LCA5L: variants seen among roughly 807,000 people sequenced by gnomAD.
LCA5L encodes lebercilin LCA5 like.
LCA5L carries 35 observed loss-of-function variants against 45.4 expected under a neutral mutation model. The ratio of observed to expected loss-of-function variants is 0.77; its 90% CI spans 0.59 to 1.02. The LOEUF (loss-of-function observed/expected upper bound fraction) is 1.02. Ranked by LOEUF, LCA5L falls within the 50% of genes least tolerant of loss-of-function variation. The pLI is 0.00. For missense variants in LCA5L, 668 were observed against 761.6 expected, an observed-to-expected ratio of 0.88 and a Z score of 1.45; for synonymous variants, 233 against 264.7, an observed-to-expected ratio of 0.88 and a Z score of 1.16.
chr21:39,412,981 G>A (rs2040374769), intron 7 of LCA5L, among the ~76,000 whole-genome samples: 1 of 152,210 alleles, frequency 6.6e-6, no homozygotes, highest in Admixed American at 6.5e-5. Context: ...CCATAGCACA[G>A]GCTTTGCAAC....
rs66478742 is a variant in LCA5L, at chr21:39,414,742, C to CTGTGTGTGTGTG, written c.976-2952_976-2941dup. On this transcript the variant is annotated intron_variant, in intron 7 of 10. Coordinates refer to ENST00000288350, the MANE Select transcript of LCA5L (RefSeq NM_152505.4). ...TCTCTCTCTCTCTCTCTCTCTCTCT[C>CTGTGTGTGTGTG]TGTGTGTGTGTGTGTGTGTGTGTGT... Among the ~76,000 whole-genome samples, 189 of 99,218 alleles carry CTGTGTGTGTGTG rather than the reference C, an allele frequency of 1.9e-3. 3 individuals carry two copies. Among genetic ancestry groups the CTGTGTGTGTGTG allele is most frequent in the African/African-American group, 4.8e-3 (109 of 22,734 alleles). 65.1% of individuals were successfully genotyped at this position (99,218 alleles called of 152,430 possible).
At position 39,406,432 on chromosome 21, in the gene LCA5L, A is replaced by G. The variant is rs769472748; in HGVS notation, c.1463T>C (p.Leu488Pro). 1.2e-6 allele frequency: 2 copies of G among 1,614,116 alleles called. No homozygotes were observed. The highest frequency in any genetic ancestry group is 1.7e-6 in the Non-Finnish European group (2 of 1,179,996). ...GCTTCTTTTAAACTTTTCTCTTACT[A>G]GAACATCTTCTTGATTGCTTTCTCT... The part of the protein sequence containing the change: ...PERESNQEDV[L>P]VREKFKRSMQ... Residue 488 changes from leucine (L) to proline (P), a missense_variant, in exon 11 of 11, where the codon CTA (leucine) becomes CCA (proline). By Grantham distance (98) the Leu-to-Pro change is moderately conservative. Coordinates refer to ENST00000288350, the MANE Select transcript of LCA5L (RefSeq NM_152505.4).
rs201595539 is a variant in LCA5L at position 39,420,811 on chromosome 21, T to C, written c.870A>G (p.Arg290=). 137 of 1,613,008 alleles carry C rather than the reference T, an allele frequency of 8.5e-5. 1 individual carries two copies. The East Asian group carries it at 3.0e-3, about 35-fold the overall frequency. Residue 290 remains arginine, a synonymous_variant, in exon 7 of 11, where the codon AGA becomes AGG. Transcript: ENST00000288350. ...CAATAGCCAGCTGCCGGCTAAAGGC[T>C]CTGCAGTTCAACCTCAGTTGTTTTT... is the stretch of plus-strand genomic sequence containing the variant. ...SLEKQLRLNC[R]AFSRQLAIET... is the part of the protein sequence containing the mutation.
intron 7 of LCA5L, among the ~76,000 whole-genome samples, chr21:39,417,722 A>G (rs1180308012): frequency 6.6e-6 from 1 of 152,016 alleles, no homozygotes; most frequent in East Asian, 1.9e-4. Context: ...ACAACAGAGG[A>G]CTTGTGCAGG....
intron 3 of LCA5L, 28 bp from the exon 4 acceptor site, chr21:39,429,239 T>C (rs2075378937): frequency 6.6e-6 from 1 of 152,218 alleles, no homozygotes; most frequent in South Asian, 2.1e-4. Context: ...CAAAAGAGAA[T>C]TTAACTGGCA....
At chr21:39,418,065 G>A (rs1037819680) in intron 7 of LCA5L, among the ~76,000 whole-genome samples, 6 of 151,754 alleles carry the variant, frequency 4.0e-5, no homozygotes, top group East Asian at 2.0e-4. Flanking sequence ...CGCGCCCAGC[G>A]GGGGAGTTTC....
chr21:39,424,687 G>A (rs2147790190), intron 5 of LCA5L, among the ~76,000 whole-genome samples: 2 of 152,200 alleles, frequency 1.3e-5, no homozygotes, highest in East Asian at 3.9e-4. Flanking sequence ...AATTGCATAA[G>A]AGTCTATCTG....
At chr21:39,442,534 A>G (rs915182457) in intron 2 of LCA5L, among the ~76,000 whole-genome samples, 1 of 152,136 alleles carries the variant, frequency 6.6e-6, no homozygotes, top group African/African-American at 2.4e-5. Context: ...GGACTGCGGC[A>G]GGCTGAATGA....
At chr21:39,411,014 G>C (rs1260522083) in intron 8 of LCA5L, 3 of 447,464 alleles carry the variant, frequency 6.7e-6, no homozygotes, top group Admixed American at 5.0e-5. Flanking sequence ...ACGTGCTCTT[G>C]AAGAAAAGAA....
At chr21:39,417,921 A>C (rs1006345261) in intron 7 of LCA5L, among the ~76,000 whole-genome samples, 1 of 152,084 alleles carries the variant, frequency 6.6e-6, no homozygotes, top group African/African-American at 2.4e-5. Context: ...GCCCGCCACC[A>C]TGCCTGGTTA....
In LCA5L at chr21:39,415,706, A is replaced by T. The variant is rs1214333487; in HGVS notation, c.976-3904T>A. On this transcript the variant is annotated intron_variant, in intron 7 of 10. Coordinates refer to ENST00000288350, the MANE Select transcript of LCA5L (RefSeq NM_152505.4). ...TTAGAATCTAAACAAGGTTCAAAACACTGCGACTGATTAATATATCTCTTA... is the reference window on the plus strand; with the variant it reads ...TTAGAATCTAAACAAGGTTCAAAACTCTGCGACTGATTAATATATCTCTTA... Among the ~76,000 whole-genome samples the T allele has an allele frequency of 2.6e-5, 4 of 152,246 alleles. No individual in the cohort carries two copies. In the East Asian group the frequency reaches 7.7e-4, roughly 29 times the overall value.
chr21:39,432,260 T>G (rs559277766), intron 3 of LCA5L, among the ~76,000 whole-genome samples: 29 of 152,332 alleles, frequency 1.9e-4, no homozygotes, highest in Non-Finnish European at 4.0e-4. Context: ...TCAGTATGCT[T>G]CTTTTTGCTA....
Position 39,445,705 on chromosome 21 carries a change from G to C in LCA5L, c.-313+20C>G, listed in dbSNP as rs908167798. 5 of 152,350 alleles carry C rather than the reference G, an allele frequency of 3.3e-5. No homozygotes were observed. The highest frequency in any genetic ancestry group is 1.2e-4 in the African/African-American group (5 of 41,464). The allele number at this position is 152,350 out of a possible 1,614,324, so 9.4% of individuals were successfully genotyped here. On this transcript the variant is annotated intron_variant, in intron 1 of 10. Transcript: ENST00000288350. Reference sequence around the variant, plus strand: ...AGGGTAACCGGCTGAGGGGGACGACGGCAGCAGCGGGGCCGTTACCTGCTC... The same window carrying C: ...AGGGTAACCGGCTGAGGGGGACGACCGCAGCAGCGGGGCCGTTACCTGCTC...
At chr21:39,437,834 A>G (rs538972843) in intron 2 of LCA5L, among the ~76,000 whole-genome samples, 2 of 152,314 alleles carry the variant, frequency 1.3e-5, no homozygotes, top group South Asian at 4.1e-4. Flanking sequence ...TAAAACATCT[A>G]AGTTTACTAC....
chr21:39,423,054 GTT>G lies in LCA5L; in HGVS notation c.757_758del (p.Asn253ProfsTer10). 1 of 1,613,990 alleles carries G rather than the reference GTT, an allele frequency of 6.2e-7. No homozygotes were observed. The highest frequency in any genetic ancestry group is 8.5e-7 in the Non-Finnish European group (1 of 1,179,894). ...QALQKLSEDKNLAEREELTHK... is the reference protein window; with the variant it reads ...QALQKLSEDKXLAEREELTHK... The stretch of plus-strand genomic sequence containing the variant: ...GAGTGAGTTCTTCCCTTTCTGCAAG[GTT>G]TTTGTCTTCAGAAAGTTTCTGCAGT... On this transcript the variant is annotated frameshift_variant, in exon 6 of 11. Coordinates refer to ENST00000288350, the MANE Select transcript of LCA5L (RefSeq NM_152505.4). LOFTEE classifies it high-confidence loss of function.
chr21:39,417,372 T>A (rs2041393498), intron 7 of LCA5L, among the ~76,000 whole-genome samples: 2 of 152,198 alleles, frequency 1.3e-5, no homozygotes, highest in South Asian at 4.1e-4. Context: ...TAATTCTGCT[T>A]TGTACTTATG....
At chr21:39,421,256 C>T (rs150025107) in intron 6 of LCA5L, among the ~76,000 whole-genome samples, 14 of 152,248 alleles carry the variant, frequency 9.2e-5, no homozygotes, top group African/African-American at 3.4e-4. Flanking sequence ...TGCACACCAC[C>T]ATGCCTGGAT....
At chr21:39,419,831 G>T (rs1822727628) in intron 7 of LCA5L, among the ~76,000 whole-genome samples, 1 of 152,120 alleles carries the variant, frequency 6.6e-6, no homozygotes, top group African/African-American at 2.4e-5. Flanking sequence ...TATCTAAATT[G>T]TTGGACATTT....
intron 5 of LCA5L, chr21:39,425,828 T>A (rs913451356): frequency 6.6e-6 from 1 of 152,246 alleles, no homozygotes; most frequent in African/African-American, 2.4e-5. Context: ...ATGGGATCCA[T>A]GGGCACTGGA....
Sources: gnomAD v4.1 joint callset for allele counts (sites outside exome capture counted in the v4.1 genomes callset) on GRCh38, gnomAD v4.1.1 for gene constraint, MANE v1.5 for transcripts, NCBI Gene and HGNC (gene_info 2026-07-23, HGNC 2026-07-21) for gene names.